Variants in BTD observed in about 807,000 individuals in gnomAD.
The protein encoded by BTD is biotinidase.
A neutral mutation model predicts 17.7 loss-of-function variants in BTD; 13 were observed. That is an observed-to-expected ratio of 0.74 (90% CI 0.48 to 1.17). The LOEUF (loss-of-function observed/expected upper bound fraction) is 1.17, where lower values mean the gene tolerates loss of function less well. Among genes scored for constraint, BTD ranks in the 50% most tolerant of loss-of-function variants. The pLI is 0.00. For missense variants in BTD, 674 were observed against 650.4 expected (o/e 1.04, Z -0.39); for synonymous variants, 240 against 245.2 (o/e 0.98, Z 0.20).
intron 3 of BTD, chr3:15,696,086 A>T: frequency 8.1e-7 from 1 of 1,238,580 alleles, no homozygotes; most frequent in Non-Finnish European, 1.1e-6. Flanking sequence ...TTACATTATT[A>T]GACTATAAAC....
intron 1 of BTD, among the ~76,000 whole-genome samples, chr3:15,618,448 C>T (rs990999546): frequency 5.9e-5 from 9 of 152,024 alleles, no homozygotes; most frequent in South Asian, 2.1e-4. Context: ...TTCATGCAGA[C>T]CTTAAACATT....
chr3:15,661,273 A>G (rs1323708582), intron 3 of BTD, among the ~76,000 whole-genome samples: 25 of 119,240 alleles, frequency 2.1e-4, no homozygotes, highest in Non-Finnish European at 2.9e-4. Context: ...CTCAAAAAAA[A>G]AAAAAAAAAA....
chr3:15,703,801 G>C (rs1403652059), intron 3 of BTD, among the ~76,000 whole-genome samples: 2 of 152,082 alleles, frequency 1.3e-5, no homozygotes, highest in African/African-American at 2.4e-5. Context: ...ATGAAGTGCG[G>C]GCTAGAGATA....
At chr3:15,618,748 A>G (rs1450420107) in intron 1 of BTD, among the ~76,000 whole-genome samples, 1 of 152,032 alleles carries the variant, frequency 6.6e-6, no homozygotes. Context: ...GATGGTCTCA[A>G]TCTCCTGACC....
chr3:15,613,992 A>G (rs998929323), intron 1 of BTD, among the ~76,000 whole-genome samples: 1 of 151,610 alleles, frequency 6.6e-6, no homozygotes, highest in Non-Finnish European at 1.5e-5. Flanking sequence ...TATGTTGTGT[A>G]TAGATTTCTT....
At chr3:15,678,490 A>G in intron 3 of BTD, 1 of 662,730 alleles carries the variant, frequency 1.5e-6, no homozygotes, top group African/African-American at 1.8e-5. Context: ...TACACAAACA[A>G]ATAGGCTCAA....
In BTD at chr3:15,601,819, A is replaced by C. The variant is rs1367357329; in HGVS notation, c.-92A>C. 2.5e-6 allele frequency: 4 copies of C among 1,614,176 alleles called. No homozygotes were observed. Among genetic ancestry groups the C allele is most frequent in the Admixed American group, 1.7e-5 (1 of 60,020 alleles). ...TCTCGCCATTGTCTCCGAGTCGGCC[A>C]GCTGGAGCGTTTTCGGGGCTGTAAA... On this transcript the variant is annotated 5_prime_UTR_variant, in exon 1 of 4. Coordinates refer to ENST00000643237, the MANE Select transcript of BTD (RefSeq NM_001370658.1).
intron 4 of BTD, among the ~76,000 whole-genome samples, chr3:15,721,684 ATTTT>A (rs2124933466): frequency 6.6e-6 from 1 of 152,326 alleles, no homozygotes; most frequent in South Asian, 2.1e-4. Context: ...ATATGCAGGT[ATTTT>A]ATCACAAGTA....
chr3:15,695,142 G>A, intron 3 of BTD: 2 of 1,463,430 alleles, frequency 1.4e-6, no homozygotes, highest in South Asian at 2.4e-5. Flanking sequence ...TGGTAGGAGG[G>A]AACTGACCAA....
intron 1 of BTD, chr3:15,629,998 T>C (rs1242285456): frequency 1.0e-6 from 1 of 980,660 alleles, no homozygotes; most frequent in Non-Finnish European, 1.2e-6. Flanking sequence ...ATCCCTTAAT[T>C]CAGACAGATT....
chr3:15,661,219 T>C (rs1269567847), intron 3 of BTD, among the ~76,000 whole-genome samples: 1 of 137,510 alleles, frequency 7.3e-6, no homozygotes, highest in Admixed American at 7.8e-5. Context: ...TGGGTTGAGA[T>C]CATGCCACTG....
intron 3 of BTD, among the ~76,000 whole-genome samples, chr3:15,709,134 C>CT (rs147327478): frequency 1.1e-3 from 170 of 152,256 alleles, no homozygotes; most frequent in African/African-American, 4.0e-3. Flanking sequence ...TCACAGCTGC[C>CT]TTCCTGTTGT....
intron 3 of BTD, among the ~76,000 whole-genome samples, chr3:15,662,191 C>T (rs2065931551): frequency 1.3e-5 from 2 of 152,196 alleles, no homozygotes; most frequent in African/African-American, 4.8e-5. Flanking sequence ...TGAGATTGCA[C>T]TGAATCTATA....
chr3:15,628,952 A>G (rs1575003643), intron 1 of BTD, among the ~76,000 whole-genome samples: 1 of 152,174 alleles, frequency 6.6e-6, no homozygotes, highest in African/African-American at 2.4e-5. Context: ...ACCAATAACA[A>G]CCTGGTTCTT....
chr3:15,707,337 T>C (rs1417767048), intron 3 of BTD, among the ~76,000 whole-genome samples: 1 of 152,248 alleles, frequency 6.6e-6, no homozygotes, highest in Non-Finnish European at 1.5e-5. Context: ...TGAAACAGTT[T>C]ATGCATCATT....
chr3:15,708,689 T>G (rs1359453630), intron 3 of BTD, among the ~76,000 whole-genome samples: 1 of 152,190 alleles, frequency 6.6e-6, no homozygotes, highest in African/African-American at 2.4e-5. Flanking sequence ...GTGATTTTTT[T>G]ATTTTTGTGG....
intron 3 of BTD, among the ~76,000 whole-genome samples, chr3:15,708,738 A>G (rs930049438): frequency 1.3e-5 from 2 of 152,150 alleles, no homozygotes; most frequent in African/African-American, 2.4e-5. Flanking sequence ...TATGAGAGCA[A>G]TCTGTTCTTC....
chr3:15,631,923 G>GATC, intron 1 of BTD, among the ~76,000 whole-genome samples: 1 of 152,290 alleles, frequency 6.6e-6, no homozygotes, highest in East Asian at 1.9e-4. Flanking sequence ...AATGCAGGGG[G>GATC]ATGTTAGGAG....
chr3:15,685,906 C>A (rs996397629), intron 3 of BTD: 1 of 943,736 alleles, frequency 1.1e-6, no homozygotes, highest in South Asian at 1.7e-5. Context: ...ATTTGACGAA[C>A]ATTTAATGAA....
Sources: gnomAD v4.1 joint callset for allele counts (sites outside exome capture counted in the v4.1 genomes callset) on GRCh38, gnomAD v4.1.1 for gene constraint, MANE v1.5 for transcripts, NCBI Gene and HGNC (gene_info 2026-07-23, HGNC 2026-07-21) for gene names.